TOP3B: variants seen among roughly 807,000 people sequenced by gnomAD.
TOP3B encodes DNA topoisomerase III beta.
Under a neutral mutation model 93.9 loss-of-function variants are expected in TOP3B, and 45 were observed. The observed-to-expected ratio is 0.48, with a 90% confidence interval of 0.38 to 0.61. TOP3B has a LOEUF of 0.61. TOP3B is among the 20% of genes least tolerant of loss of function. TOP3B has a pLI of 0.00. For synonymous variants in TOP3B, 357 were observed against 472.6 expected, an observed-to-expected ratio of 0.76 and a Z score of 3.17; for missense variants, 750 against 1,156.1, an observed-to-expected ratio of 0.65 and a Z score of 5.09.
Position 21,962,879 on chromosome 22 carries a change from G to C in TOP3B, c.1219C>G (p.Arg407Gly), listed in dbSNP as rs149060942. 1.9e-6 allele frequency: 3 copies of C among 1,613,264 alleles called. No individual in the cohort carries two copies. The highest frequency in any genetic ancestry group is 2.5e-6 in the Non-Finnish European group (3 of 1,179,604). Reference sequence around the variant, plus strand: ...TGTCTGGTGATGTACTCATAGAGCCGCCACGCGTCACCCCCTGCAACAGGC... The same window carrying C: ...TGTCTGGTGATGTACTCATAGAGCCCCCACGCGTCACCCCCTGCAACAGGC... The part of the protein sequence containing the change: ...TEAELGGDAW[R>G]LYEYITRHFI... The change falls in exon 12 of 18, where the codon CGG becomes GGG. Residue 407 changes from arginine (R) to glycine (G), a missense_variant. Coordinates refer to ENST00000357179, the MANE Select transcript of TOP3B (RefSeq NM_001282112.2).
At chr22:21,979,737 CA>C (rs573521054) in intron 1 of TOP3B, among the ~76,000 whole-genome samples, 125 of 151,812 alleles carry the variant, frequency 8.2e-4, no homozygotes, top group Admixed American at 7.0e-3. Context: ...GTCAGGAGAT[CA>C]AGACCATCCT....
intron 1 of TOP3B, among the ~76,000 whole-genome samples, chr22:21,980,608 C>A (rs571015088): frequency 6.6e-6 from 1 of 152,228 alleles, no homozygotes; most frequent in Non-Finnish European, 1.5e-5. Context: ...GTACAACCAT[C>A]CCACAGTGAA....
In TOP3B at chr22:21,963,432, C is replaced by T. The variant is rs1164844048; in HGVS notation, c.1204+491G>A. On this transcript the variant is annotated intron_variant, in intron 11 of 17. Transcript: ENST00000357179. The surrounding 1 kb of genome is among the most constrained non-coding windows in gnomAD (Gnocchi z 4.8). ...TGGCTGCGGCTCCCACCATCCTGCA[C>T]AACCTCCTGTCCCTGCTTCTGGCGG... 4.0e-5 allele frequency: 7 copies of T among 176,030 alleles called. No homozygotes were observed. Among genetic ancestry groups the T allele is most frequent in the Non-Finnish European group, 1.2e-5 (1 of 82,216 alleles). 10.9% of individuals were successfully genotyped at this position (176,030 alleles called of 1,614,324 possible).
rs1484442542 is a variant in TOP3B at position 21,962,422 on chromosome 22, C to G, written c.1525+7G>C. On this transcript the variant is annotated splice_region_variant and intron_variant, in intron 13 of 17. Coordinates refer to ENST00000357179, the MANE Select transcript of TOP3B (RefSeq NM_001282112.2). ...GCCGGCTCTGGGGCCTGGGCAGGCG[C>G]ACCCACCGATGCCATGCTTCTCCAT... 2 of 1,613,124 alleles carry G rather than the reference C, an allele frequency of 1.2e-6. No homozygotes were observed. The highest frequency in any genetic ancestry group is 2.7e-5 in the African/African-American group (2 of 74,938).
At chr22:21,967,549 A>T in intron 8 of TOP3B, 54 bp downstream of exon 8, 1 of 1,460,984 alleles carries the variant, frequency 6.8e-7, no homozygotes, top group Non-Finnish European at 9.6e-7. Context: ...GGAGGCATCC[A>T]AGGGCCACCC....
chr22:21,965,217 C>T (rs766210162), intron 9 of TOP3B, 68 bp downstream of exon 9: 16 of 1,217,988 alleles, frequency 1.3e-5, no homozygotes, highest in Non-Finnish European at 1.7e-5. Context: ...ACCCTGGGCA[C>T]TCGCTGCTCC....
In TOP3B at chr22:21,960,452, G is replaced by A. The variant is rs1359831167; in HGVS notation, c.1526-3C>T. On this transcript the variant is annotated splice_polypyrimidine_tract_variant and splice_region_variant and intron_variant, in intron 13 of 17. Coordinates refer to ENST00000357179, the MANE Select transcript of TOP3B (RefSeq NM_001282112.2). ...CACAGGGATGCTGGCATCCGTGCCT[G>A]CAATGTACAAGGCCCCAGGGTTCCT... 9 of 1,613,124 alleles carry A rather than the reference G, an allele frequency of 5.6e-6. No homozygotes were observed. Among genetic ancestry groups the A allele is most frequent in the Non-Finnish European group, 7.6e-6 (9 of 1,179,952 alleles).
chr22:21,961,467 CT>C (rs1297522406), intron 13 of TOP3B: 4 of 152,342 alleles, frequency 2.6e-5, no homozygotes, highest in Non-Finnish European at 4.4e-5. Context: ...TAGCATAGGG[CT>C]GCCAGGAGCC....
intron 16 of TOP3B, 97 bp downstream of exon 16, chr22:21,959,035 C>T: frequency 6.6e-7 from 1 of 1,520,608 alleles, no homozygotes; most frequent in Middle Eastern, 1.7e-4. Flanking sequence ...TCTTTTGTGA[C>T]AACCAGGACA....
intron 13 of TOP3B, 157 bp from the exon 14 acceptor site, chr22:21,960,606 T>C (rs2071133326): frequency 2.1e-6 from 2 of 972,524 alleles, no homozygotes; most frequent in Middle Eastern, 3.2e-4. Context: ...CCCTGCACTG[T>C]GCTGGGCACC....
At chr22:21,961,438 T>C (rs1037573952) in intron 13 of TOP3B, 1 of 152,290 alleles carries the variant, frequency 6.6e-6, no homozygotes, top group Admixed American at 6.5e-5. Context: ...GTATTGGTGA[T>C]TGGGTCTGGC....
chr22:21,974,208 C>T, intron 3 of TOP3B, 149 bp downstream of exon 3: 1 of 1,012,390 alleles, frequency 9.9e-7, no homozygotes, highest in Non-Finnish European at 1.4e-6. Context: ...ACCAGGGACC[C>T]TCTCATTGCT....
Position 21,960,357 on chromosome 22 carries a change from G to T in TOP3B, c.1618C>A (p.Leu540Ile), listed in dbSNP as rs1420361188. The change falls in exon 14 of 18, where the codon CTC becomes ATC. Residue 540 changes from leucine (L) to isoleucine (I), a missense_variant. Transcript: ENST00000357179. ...ESGRRLKPTN[L>I]GIVLVHGYYK... ...TAGCCGTGCACCAGGACGATGCCGA[G>T]GTTGGTGGGCTTGAGCCGGCGCCCG... 1 of 1,613,698 alleles carries T rather than the reference G, an allele frequency of 6.2e-7. No homozygotes were observed. The highest frequency in any genetic ancestry group is 8.5e-7 in the Non-Finnish European group (1 of 1,180,000).
Position 21,963,414 on chromosome 22 carries a change from G to A in TOP3B, c.1204+509C>T, listed in dbSNP as rs1037152451. 1.8e-5 allele frequency: 3 copies of A among 168,728 alleles called. No homozygotes were observed. Among genetic ancestry groups the A allele is most frequent in the South Asian group, 1.5e-4 (1 of 6,850 alleles). 10.5% of individuals were successfully genotyped at this position (168,728 alleles called of 1,614,324 possible). A position where few individuals can be genotyped will look rare whatever the true frequency, so the allele number is the denominator to read the frequency against. Reference sequence around the variant, plus strand: ...GCCTCAGTGGTTTCTTTCTGGCTGCGGCTCCCACCATCCTGCACAACCTCC... The same window carrying A: ...GCCTCAGTGGTTTCTTTCTGGCTGCAGCTCCCACCATCCTGCACAACCTCC... On this transcript the variant is annotated intron_variant, in intron 11 of 17. Coordinates refer to ENST00000357179, the MANE Select transcript of TOP3B (RefSeq NM_001282112.2). This position sits in a 1 kb window ranked among gnomAD's most constrained non-coding sequence, Gnocchi z 4.8.
rs113880042 is a variant in TOP3B at position 21,959,753 on chromosome 22, G to T, written c.1655-17C>A. On this transcript the variant is annotated splice_polypyrimidine_tract_variant and intron_variant, in intron 14 of 17. Coordinates refer to ENST00000357179, the MANE Select transcript of TOP3B (RefSeq NM_001282112.2). ...GCTCTGCATCTGCAAGTGGGCAGGGGGCAGATATTGCCCTGAGCACTCGCA... is the reference window on the plus strand; with the variant it reads ...GCTCTGCATCTGCAAGTGGGCAGGGTGCAGATATTGCCCTGAGCACTCGCA... 1.6e-5 allele frequency: 25 copies of T among 1,610,410 alleles called. No individual in the cohort carries two copies. In the African/African-American group the frequency reaches 2.3e-4, roughly 15 times the overall value.
At position 21,962,373 on chromosome 22, in the gene TOP3B, C is replaced by T. The variant is rs777559083; in HGVS notation, c.1525+56G>A. 1.6e-5 allele frequency: 25 copies of T among 1,608,924 alleles called. No individual in the cohort carries two copies. The African/African-American group carries it at 1.7e-4, about 11-fold the overall frequency. ...GGCGGGGCAGCTTTGTGAGTAGACT[C>T]GAAGCCTGAGTACTGGAGACGGAGC... On this transcript the variant is annotated intron_variant, in intron 13 of 17. Transcript: ENST00000357179.
chr22:21,968,874 G>A, intron 6 of TOP3B, 99 bp from the exon 7 acceptor site: 1 of 1,383,628 alleles, frequency 7.2e-7, no homozygotes, highest in Non-Finnish European at 1.0e-6. Context: ...GGTGCATGAA[G>A]GAGGTGGCAT....
At chr22:21,968,847 A>G in intron 6 of TOP3B, 72 bp from the exon 7 acceptor site, 1 of 1,558,342 alleles carries the variant, frequency 6.4e-7, no homozygotes, top group Non-Finnish European at 8.8e-7. Context: ...ATGTGAGTCC[A>G]GCCCAAGGCC....
intron 4 of TOP3B, chr22:21,972,357 A>G (rs78925128): frequency 1.1e-5 from 5 of 468,656 alleles, no homozygotes; most frequent in African/African-American, 1.0e-4. Context: ...AAGGAGAAAA[A>G]CCCCCCGACC....
Sources: allele counts gnomAD v4.1 joint callset (sites outside exome capture counted in the v4.1 genomes callset), GRCh38; gene constraint gnomAD v4.1.1; non-coding constraint Gnocchi (gnomAD v3.1); transcripts MANE v1.5; gene names NCBI Gene and HGNC (gene_info 2026-07-23, HGNC 2026-07-21).